The following NXNL2 variants were observed in gnomAD, a reference collection of about 807,000 sequenced individuals.
NXNL2 encodes nucleoredoxin-like protein 2.
NXNL2 carries 7 observed loss-of-function variants against 11.1 expected under a neutral mutation model. That is an observed-to-expected ratio of 0.63 (90% CI 0.36 to 1.18). The LOEUF (loss-of-function observed/expected upper bound fraction) is 1.18, where lower values mean the gene tolerates loss of function less well. Among genes scored for constraint, NXNL2 ranks in the 50% most tolerant of loss-of-function variants. The pLI, the probability that NXNL2 is intolerant of heterozygous loss-of-function variation, is 0.02. For missense variants in NXNL2, 233 were observed against 217.7 expected, an observed-to-expected ratio of 1.07 and a Z score of -0.44; for synonymous variants, 109 against 101.8, an observed-to-expected ratio of 1.07 and a Z score of -0.42.
chr9:88,581,438 TC>T (rs1830406908), intron 1 of NXNL2, among the ~76,000 whole-genome samples: 2 of 19,456 alleles, frequency 1.0e-4, no homozygotes, highest in South Asian at 7.3e-3. Context: ...AACCACTTTT[TC>T]TTTTTTTTTT....
intron 1 of NXNL2, among the ~76,000 whole-genome samples, chr9:88,537,388 A>G (rs1354853270): frequency 6.6e-6 from 1 of 152,142 alleles, no homozygotes; most frequent in South Asian, 2.1e-4. Context: ...TCTGTTTCTG[A>G]TGCTCTGGTC....
Position 88,535,568 on chromosome 9 carries a change from C to G in NXNL2, c.134C>G (p.Thr45Arg), listed in dbSNP as rs759500033. ...CGGTGCGCGCCGAGCCGCGACTTCA[C>G]GCCGCTGCTCTGCGACTTCTATACG... is the stretch of plus-strand genomic sequence containing the variant. ...AARCAPSRDFTPLLCDFYTAL... is the reference protein window; with the variant it reads ...AARCAPSRDFRPLLCDFYTAL... Residue 45 changes from threonine (T) to arginine (R), a missense_variant, in exon 1 of 2, where the codon ACG becomes AGG. Thr to Arg is a moderately conservative substitution (Grantham distance 71). Transcript: ENST00000375854. The G allele has an allele frequency of 1.2e-6, 2 of 1,609,438 alleles. No homozygotes were observed. Among genetic ancestry groups the G allele is most frequent in the South Asian group, 2.2e-5 (2 of 90,908 alleles).
downstream of NXNL2, among the ~76,000 whole-genome samples, chr9:88,579,173 C>T (rs1448915192): frequency 6.6e-6 from 1 of 152,224 alleles, no homozygotes; most frequent in East Asian, 1.9e-4. Context: ...CTGATGCCGC[C>T]TTTCATAACC....
At chr9:88,582,204 T>C (rs1242834197) in intron 1 of NXNL2, among the ~76,000 whole-genome samples, 5 of 152,234 alleles carry the variant, frequency 3.3e-5, no homozygotes, top group East Asian at 1.9e-4. Flanking sequence ...TAGACCTGGG[T>C]GCAGTGGCTC....
At chr9:88,558,112 A>T (rs1830042220) in intron 1 of NXNL2, among the ~76,000 whole-genome samples, 1 of 152,242 alleles carries the variant, frequency 6.6e-6, no homozygotes, top group African/African-American at 2.4e-5. Context: ...TAGCCTCAGG[A>T]TGGGGCTGGT....
At chr9:88,553,446 C>T (rs1829969901) in intron 1 of NXNL2, among the ~76,000 whole-genome samples, 1 of 152,184 alleles carries the variant, frequency 6.6e-6, no homozygotes, top group Non-Finnish European at 1.5e-5. Context: ...TGAGGCCCAG[C>T]CCATGTGGCT....
chr9:88,570,329 G>T (rs936791608), intron 1 of NXNL2, among the ~76,000 whole-genome samples: 1 of 152,016 alleles, frequency 6.6e-6, no homozygotes, highest in African/African-American at 2.4e-5. Flanking sequence ...TGTTGGCCAG[G>T]CTGATCTCAA....
chr9:88,555,170 A>C (rs1829992553), intron 1 of NXNL2, among the ~76,000 whole-genome samples: 1 of 152,204 alleles, frequency 6.6e-6, no homozygotes, highest in African/African-American at 2.4e-5. Context: ...TGACAGAGAG[A>C]GTGAGAGCAA....
intron 1 of NXNL2, among the ~76,000 whole-genome samples, chr9:88,555,879 C>T (rs1326201452): frequency 7.2e-5 from 11 of 152,146 alleles, no homozygotes; most frequent in East Asian, 5.8e-4. Flanking sequence ...GCAGAGGGTC[C>T]GGCCACAGTG....
rs78460940 is a variant in NXNL2 at position 88,535,327 on chromosome 9, C to T, written c.-108C>T. On this transcript the variant is annotated 5_prime_UTR_variant, in exon 1 of 2. Coordinates refer to ENST00000375854, the MANE Select transcript of NXNL2 (RefSeq NM_001161625.2). ...GGCAGGTCTTGAGAGGTCCAGCGCC[C>T]GGTGGTGCGGACAGAGGCGGGGCAC... The T allele has an allele frequency of 6.9e-5, 80 of 1,160,878 alleles. No individual in the cohort carries two copies. In the African/African-American group the frequency reaches 1.0e-3, roughly 15 times the overall value. 71.9% of individuals were successfully genotyped at this position (1,160,878 alleles called of 1,614,324 possible).
At chr9:88,546,414 C>CTT (rs956682156), downstream of NXNL2, among the ~76,000 whole-genome samples, 618 of 110,134 alleles carry the variant, frequency 5.6e-3, 13 homozygotes, top group African/African-American at 0.021. Context: ...AAGACACATT[C>CTT]TTTTTTTTTT....
At chr9:88,546,607 G>A (rs1473069801), downstream of NXNL2, among the ~76,000 whole-genome samples, 4 of 151,646 alleles carry the variant, frequency 2.6e-5, no homozygotes, top group Non-Finnish European at 4.4e-5. Context: ...TTGAAATGGG[G>A]TTTCTTCATG....
chr9:88,579,346 G>T (rs1830384572), downstream of NXNL2, among the ~76,000 whole-genome samples: 2 of 152,194 alleles, frequency 1.3e-5, no homozygotes. Flanking sequence ...AGGACCCACG[G>T]GGTGGAGTCA....
chr9:88,555,509 T>C (rs1037944998), intron 1 of NXNL2, among the ~76,000 whole-genome samples: 6 of 152,324 alleles, frequency 3.9e-5, no homozygotes, highest in Admixed American at 6.5e-5. Flanking sequence ...GCTGTCTGTG[T>C]TCTAGCTGGT....
intron 1 of NXNL2, among the ~76,000 whole-genome samples, chr9:88,559,423 C>T (rs1830058996): frequency 6.6e-6 from 1 of 152,178 alleles, no homozygotes; most frequent in Non-Finnish European, 1.5e-5. Context: ...AGCTTTGCCC[C>T]CTACAAGAAT....
intron 1 of NXNL2, among the ~76,000 whole-genome samples, chr9:88,555,392 G>A (rs542640461): frequency 2.0e-5 from 3 of 152,188 alleles, no homozygotes; most frequent in East Asian, 1.9e-4. Context: ...AGTTACCATG[G>A]CATCTGTTAA....
intron 1 of NXNL2, among the ~76,000 whole-genome samples, chr9:88,581,797 T>C (rs547459931): frequency 6.6e-6 from 1 of 152,340 alleles, no homozygotes; most frequent in South Asian, 2.1e-4. Context: ...CTGTGTTGTT[T>C]CCAGATCAGT....
intron 1 of NXNL2, among the ~76,000 whole-genome samples, chr9:88,555,751 G>C (rs966465481): frequency 6.6e-6 from 1 of 152,172 alleles, no homozygotes; most frequent in Non-Finnish European, 1.5e-5. Flanking sequence ...GCTTGGCACT[G>C]GGCTCACTCC....
chr9:88,567,229 C>G (rs936768375), intron 1 of NXNL2, among the ~76,000 whole-genome samples: 3 of 152,120 alleles, frequency 2.0e-5, no homozygotes, highest in African/African-American at 7.2e-5. Context: ...ACCTCTGCCT[C>G]CCAGGTTCAA....
Sources: gnomAD v4.1 joint callset for allele counts (sites outside exome capture counted in the v4.1 genomes callset) on GRCh38, gnomAD v4.1.1 for gene constraint, MANE v1.5 for transcripts, NCBI Gene and HGNC (gene_info 2026-07-23, HGNC 2026-07-21) for gene names.